Variants in DIP2A observed in about 807,000 individuals in gnomAD.
The protein encoded by DIP2A is DIP2 acetate--CoA ligase A, also known as disco-interacting protein 2 homolog A.
In DIP2A, 85 loss-of-function variants were observed where a neutral mutation model predicts 177.4. That is an observed-to-expected ratio of 0.48 (90% CI 0.40 to 0.57). The LOEUF is 0.57. Ranked by LOEUF, DIP2A falls within the 20% of genes least tolerant of loss-of-function variation. The pLI is 0.00. For synonymous variants in DIP2A, 886 were observed against 881.8 expected (o/e 1.00, Z -0.08); for missense variants, 1,791 against 2,100.2 (o/e 0.85, Z 2.88).
rs2148794035 is a variant in DIP2A at position 46,537,496 on chromosome 21, G to A, written c.1758G>A (p.Lys586=). The A allele has an allele frequency of 6.2e-7, 1 of 1,614,202 alleles. No individual in the cohort carries two copies. Among genetic ancestry groups the A allele is most frequent in the Non-Finnish European group, 8.5e-7 (1 of 1,180,030 alleles). The stretch of plus-strand genomic sequence containing the variant: ...TCAGCGTCCCCTACGCGCTGATGAA[G>A]GCGAACCCACTCTCCTGGATCCAGA... ...HVVSVPYALM[K]ANPLSWIQKV... Residue 586 remains lysine (K), a synonymous_variant, in exon 15 of 38, where the codon AAG becomes AAA. Transcript: ENST00000417564. This position sits in a 1 kb window ranked among gnomAD's most constrained non-coding sequence, Gnocchi z 4.1.
intron 20 of DIP2A, 90 bp from the exon 21 acceptor site, chr21:46,546,825 T>C (rs1261791210): frequency 1.4e-6 from 2 of 1,475,304 alleles, no homozygotes; most frequent in East Asian, 2.3e-5. Flanking sequence ...CCTGTGCTGT[T>C]GGCCCCTTCT....
Position 46,519,855 on chromosome 21 carries a change from A to ATTTTTTTTTTT in DIP2A, c.1102+8268_1102+8278dup, listed in dbSNP as rs59574579. On this transcript the variant is annotated intron_variant, in intron 8 of 37. Coordinates refer to ENST00000417564, the MANE Select transcript of DIP2A (RefSeq NM_015151.4). ...GCCCAGAATTAGAATATTGATCTAGATTTTTTTTTTTTTTTTTTTTTTTTT... is the reference window on the plus strand; with the variant it reads ...GCCCAGAATTAGAATATTGATCTAGATTTTTTTTTTTTTTTTTTTTTTTTTTTTTTTTTTTT... Among the ~76,000 whole-genome samples the ATTTTTTTTTTT allele has an allele frequency of 9.4e-5, 5 of 53,018 alleles. 2 individuals are homozygous for ATTTTTTTTTTT. Among genetic ancestry groups the ATTTTTTTTTTT allele is most frequent in the African/African-American group, 3.5e-4 (4 of 11,478 alleles). The allele number at this position is 53,018 out of a possible 152,430, so 34.8% of individuals were successfully genotyped here.
chr21:46,489,098 C>T (rs189930616), intron 2 of DIP2A, among the ~76,000 whole-genome samples: 9 of 152,134 alleles, frequency 5.9e-5, no homozygotes, highest in Admixed American at 3.9e-4. Flanking sequence ...CACAAACACA[C>T]GTGTGTGTGT....
intron 13 of DIP2A, 33 bp downstream of exon 13, chr21:46,534,720 T>A: frequency 6.4e-7 from 1 of 1,560,828 alleles, no homozygotes; most frequent in Non-Finnish European, 8.7e-7. Context: ...CGGTGGCCCC[T>A]CCAGCCTCAC....
chr21:46,577,340 T>G, the DIP2A span, among the ~76,000 whole-genome samples: 1 of 152,216 alleles, frequency 6.6e-6, no homozygotes, highest in East Asian at 1.9e-4. Context: ...GTTTTAATTT[T>G]CTGCATATGG....
At position 46,565,758 on chromosome 21, in the gene DIP2A, T is replaced by A. The variant is rs890198771; in HGVS notation, c.4210T>A (p.Tyr1404Asn). Residue 1404 changes from tyrosine to asparagine, a missense_variant, in exon 36 of 38, where the codon TAC becomes AAC. By Grantham distance (143) the Tyr-to-Asn change is moderately radical (BLOSUM62 -2). Coordinates refer to ENST00000417564, the MANE Select transcript of DIP2A (RefSeq NM_015151.4). ...PHNATGYYTV[Y>N]GEEALHADHF... ...CAATGCCACCGGGTACTACACCGTTTACGGGGAGGAGGCGCTTCATGCCGA... is the reference window on the plus strand; with the variant it reads ...CAATGCCACCGGGTACTACACCGTTAACGGGGAGGAGGCGCTTCATGCCGA... 3 of 1,613,856 alleles carry A rather than the reference T, an allele frequency of 1.9e-6. No homozygotes were observed. In the African/African-American group the frequency reaches 4.0e-5, roughly 22 times the overall value.
At chr21:46,486,992 C>T (rs142369942) in intron 2 of DIP2A, among the ~76,000 whole-genome samples, 42 of 152,234 alleles carry the variant, frequency 2.8e-4, no homozygotes, top group African/African-American at 7.0e-4. Flanking sequence ...TAAAAAAAGA[C>T]GCCAAACCGA....
intron 3 of DIP2A, among the ~76,000 whole-genome samples, chr21:46,491,204 T>A (rs944060475): frequency 1.3e-5 from 2 of 152,230 alleles, no homozygotes; most frequent in African/African-American, 4.8e-5. Flanking sequence ...TTTACTTGAA[T>A]CAATAGAATG....
At chr21:46,538,824 G>GGC in intron 16 of DIP2A, 4 of 601,430 alleles carry the variant, frequency 6.7e-6, no homozygotes, top group African/African-American at 3.7e-5. Context: ...TAATATGCTT[G>GGC]ATGAAAGGTA....
At chr21:46,561,965 T>C (rs2839326) in intron 34 of DIP2A, 160 bp downstream of exon 34, 86,456 of 958,232 alleles carry the variant, frequency 0.09, 5,785 homozygotes, top group African/African-American at 0.33. Flanking sequence ...CCCTCCTTTG[T>C]GGCTGGTATA....
At chr21:46,550,962 G>A (rs1218539421) in intron 23 of DIP2A, among the ~76,000 whole-genome samples, 1 of 152,220 alleles carries the variant, frequency 6.6e-6, no homozygotes, top group Non-Finnish European at 1.5e-5. Flanking sequence ...CACCTGCATG[G>A]TGGTTTCCAC....
intron 34 of DIP2A, 96 bp downstream of exon 34, chr21:46,561,901 G>A (rs1256849967): frequency 1.9e-6 from 3 of 1,548,166 alleles, no homozygotes; most frequent in East Asian, 2.3e-5. Flanking sequence ...CGGCTCTGAT[G>A]AACACAGGTC....
intron 13 of DIP2A, among the ~76,000 whole-genome samples, chr21:46,536,903 CAA>C (rs10714360): frequency 6.3e-4 from 81 of 129,470 alleles, no homozygotes; most frequent in Non-Finnish European, 5.4e-4. Context: ...GACTCTGTCT[CAA>C]AAAAAAAAAA....
At chr21:46,541,220 C>T (rs2059803977) in intron 17 of DIP2A, among the ~76,000 whole-genome samples, 1 of 152,146 alleles carries the variant, frequency 6.6e-6, no homozygotes, top group South Asian at 2.1e-4. Context: ...CAACAACAGT[C>T]ATTTTATTGT....
intron 8 of DIP2A, among the ~76,000 whole-genome samples, chr21:46,520,179 CA>C (rs1265007688): frequency 1.3e-5 from 2 of 152,024 alleles, no homozygotes; most frequent in African/African-American, 4.8e-5. Flanking sequence ...CAGCCTGATC[CA>C]GATTTTTACA....
At chr21:46,468,052 C>A (rs1034569057) in intron 1 of DIP2A, among the ~76,000 whole-genome samples, 1 of 151,692 alleles carries the variant, frequency 6.6e-6, no homozygotes, top group African/African-American at 2.4e-5. Flanking sequence ...TCACTTGAGG[C>A]CAGGAGTTTG....
chr21:46,557,756 G>A lies in DIP2A; in HGVS notation c.3798+3G>A. The A allele has an allele frequency of 1.2e-6, 2 of 1,604,112 alleles. No individual in the cohort carries two copies. The highest frequency in any genetic ancestry group is 1.7e-6 in the Non-Finnish European group (2 of 1,171,886). On this transcript the variant is annotated splice_donor_region_variant and intron_variant, in intron 31 of 37. Coordinates refer to ENST00000417564, the MANE Select transcript of DIP2A (RefSeq NM_015151.4). The surrounding 1 kb of genome is among the most constrained non-coding windows in gnomAD (Gnocchi z 6.0). ...GCGCACAGACGGGTGTCCTCAGGGTGAGTGCCCAGACCCGGGCTTCTGAGT... is the reference window on the plus strand; with the variant it reads ...GCGCACAGACGGGTGTCCTCAGGGTAAGTGCCCAGACCCGGGCTTCTGAGT...
intron 17 of DIP2A, 57 bp from the exon 18 acceptor site, chr21:46,541,699 C>T (rs1601758530): frequency 3.1e-6 from 5 of 1,608,790 alleles, no homozygotes; most frequent in Admixed American, 3.3e-5. Context: ...GGTGGGCCCA[C>T]CTCCCTGGAA....
intron 1 of DIP2A, among the ~76,000 whole-genome samples, chr21:46,474,410 A>C (rs945702472): frequency 2.0e-5 from 3 of 152,078 alleles, no homozygotes; most frequent in African/African-American, 7.3e-5. Context: ...ATGCAAAGAG[A>C]GCCTAGGAAA....
Sources: gnomAD v4.1 joint callset for allele counts (sites outside exome capture counted in the v4.1 genomes callset) on GRCh38, gnomAD v4.1.1 for gene constraint, Gnocchi (gnomAD v3.1) non-coding constraint, MANE v1.5 for transcripts, NCBI Gene and HGNC (gene_info 2026-07-23, HGNC 2026-07-21) for gene names.